PCDH11Y: variants seen among roughly 807,000 people sequenced by gnomAD.
The protein encoded by PCDH11Y is protocadherin 11 Y-linked.
For synonymous variants in PCDH11Y, 9 were observed against 83.6 expected (o/e 0.11, Z 4.87); for missense variants, 12 against 224.8 (o/e 0.05, Z 6.05).
chrY:5,329,142 C>T lies in PCDH11Y; in HGVS notation c.3130-171915C>T, dbSNP rs1602905547. ...AGCGGCATTTCAGAAGAAAATAAGACGCTTAGATTTTAGGTCAGGTGAGAA... is the reference window on the plus strand; with the variant it reads ...AGCGGCATTTCAGAAGAAAATAAGATGCTTAGATTTTAGGTCAGGTGAGAA... On this transcript the variant is annotated intron_variant, in intron 2 of 4. Coordinates refer to the PCDH11Y transcript ENST00000400457. 3.1e-4 allele frequency among the ~76,000 whole-genome samples: 10 copies of T among 32,246 alleles called. No individual in the cohort carries two copies. In the South Asian group the frequency reaches 7.2e-3, roughly 23 times the overall value. 86.5% of individuals were successfully genotyped at this position (32,246 alleles called of 37,273 possible). A position where few individuals can be genotyped will look rare whatever the true frequency, so the allele number is the denominator to read the frequency against.
intron 2 of PCDH11Y, among the ~76,000 whole-genome samples, chrY:5,256,192 TA>T (rs2053010851): frequency 3.0e-5 from 1 of 33,382 alleles, no homozygotes; most frequent in Non-Finnish European, 7.4e-5. Flanking sequence ...GATTTAAGCC[TA>T]ATTCATTGTG....
chrY:5,534,685 G>A (rs2053398265), intron 3 of PCDH11Y, among the ~76,000 whole-genome samples: 33 of 33,447 alleles, frequency 9.9e-4, no homozygotes, highest in African/African-American at 3.6e-3. Context: ...CTTTATGGCA[G>A]AACGATTTAC....
intron 2 of PCDH11Y, among the ~76,000 whole-genome samples, chrY:5,196,139 G>C: frequency 3.0e-5 from 1 of 33,487 alleles, no homozygotes; most frequent in South Asian, 6.7e-4. Context: ...TCTTTAATGA[G>C]CAATTTGACT....
chrY:5,611,754 G>A (rs1602951192), intron 4 of PCDH11Y, among the ~76,000 whole-genome samples: 2 of 23,439 alleles, frequency 8.5e-5, no homozygotes, highest in East Asian at 1.1e-3. Context: ...GGGCAATGGC[G>A]GGCGCCCCTC....
chrY:5,721,081 C>T, intron 4 of PCDH11Y, among the ~76,000 whole-genome samples: 1 of 33,345 alleles, frequency 3.0e-5, no homozygotes, highest in East Asian at 8.0e-4. Flanking sequence ...TTAAGAAGAC[C>T]AGAGGATACT....
chrY:5,502,538 C>T, intron 3 of PCDH11Y, among the ~76,000 whole-genome samples: 1 of 31,045 alleles, frequency 3.2e-5, no homozygotes, highest in Non-Finnish European at 7.8e-5. Context: ...CCTTGTGTCA[C>T]TAAACTATCT....
intron 4 of PCDH11Y, among the ~76,000 whole-genome samples, chrY:5,690,564 A>C: frequency 3.0e-5 from 1 of 33,078 alleles, no homozygotes; most frequent in African/African-American, 1.2e-4. Context: ...TTTAATTTAT[A>C]AATTTAAGGT....
chrY:5,605,125 A>G, intron 4 of PCDH11Y, among the ~76,000 whole-genome samples: 1 of 32,808 alleles, frequency 3.0e-5, no homozygotes, highest in Admixed American at 2.8e-4. Context: ...GCACAAAAAT[A>G]TGGTTTATGT....
intron 2 of PCDH11Y, among the ~76,000 whole-genome samples, chrY:5,412,707 G>A: frequency 3.1e-5 from 1 of 32,699 alleles, no homozygotes; most frequent in African/African-American, 1.2e-4. Context: ...TTTTATTTTC[G>A]GTTCTGTTTC....
intron 2 of PCDH11Y, among the ~76,000 whole-genome samples, chrY:5,447,614 C>T: frequency 3.1e-5 from 1 of 32,759 alleles, no homozygotes; most frequent in African/African-American, 1.2e-4. Context: ...CCAAAAATTG[C>T]TTTGGAAATA....
intron 1 of PCDH11Y, among the ~76,000 whole-genome samples, chrY:5,089,076 G>GC (rs2052736267): frequency 3.8e-5 from 1 of 26,243 alleles, no homozygotes; most frequent in South Asian, 1.2e-3. Flanking sequence ...GCTTTCTTTA[G>GC]CCTCTCTGTG....
At chrY:5,005,612 C>G in intron 1 of PCDH11Y, among the ~76,000 whole-genome samples, 2 of 33,281 alleles carry the variant, frequency 6.0e-5, no homozygotes, top group African/African-American at 1.2e-4. Flanking sequence ...ATCTCTGAAC[C>G]TTACATCATG....
At chrY:5,377,720 T>TTATG (rs1306338718) in intron 2 of PCDH11Y, among the ~76,000 whole-genome samples, 1,104 of 33,688 alleles carry the variant, frequency 0.033, no homozygotes, top group Non-Finnish European at 0.06. Flanking sequence ...TATTTTTATT[T>TTATG]TATGTATGTA....
chrY:5,239,142 A>G (rs2052985012), intron 2 of PCDH11Y, among the ~76,000 whole-genome samples: 1 of 33,036 alleles, frequency 3.0e-5, no homozygotes, highest in Admixed American at 2.8e-4. Context: ...TTATTGCGGC[A>G]CTATTCACAA....
intron 2 of PCDH11Y, among the ~76,000 whole-genome samples, chrY:5,203,800 G>A (rs2052929226): frequency 3.3e-5 from 1 of 29,963 alleles, no homozygotes; most frequent in Non-Finnish European, 7.9e-5. Context: ...GGCAAAATTA[G>A]CCTTCTGGGG....
intron 2 of PCDH11Y, among the ~76,000 whole-genome samples, chrY:5,461,967 T>C: frequency 3.0e-5 from 1 of 33,740 alleles, no homozygotes; most frequent in South Asian, 6.5e-4. Flanking sequence ...AATCAATTTT[T>C]CTTATTTTCT....
chrY:5,318,206 C>A (rs2053109111), intron 2 of PCDH11Y, among the ~76,000 whole-genome samples: 1 of 33,100 alleles, frequency 3.0e-5, no homozygotes, highest in African/African-American at 1.2e-4. Context: ...TACCTAATCA[C>A]TGTTCCCTCT....
intron 2 of PCDH11Y, among the ~76,000 whole-genome samples, chrY:5,487,348 G>A (rs2053334830): frequency 6.4e-5 from 2 of 31,481 alleles, no homozygotes; most frequent in African/African-American, 1.3e-4. Context: ...ACAGGCACCC[G>A]CCACCACACC....
At chrY:5,008,906 G>A (rs1602834814) in intron 1 of PCDH11Y, among the ~76,000 whole-genome samples, 9 of 32,263 alleles carry the variant, frequency 2.8e-4, no homozygotes, top group African/African-American at 7.3e-4. Flanking sequence ...ACAAATATTC[G>A]TTGTCACTCT....
Sources: gnomAD v4.1 joint callset for allele counts (sites outside exome capture counted in the v4.1 genomes callset) on GRCh38, gnomAD v4.1.1 for gene constraint, MANE v1.5 for transcripts, NCBI Gene and HGNC (gene_info 2026-07-23, HGNC 2026-07-21) for gene names.